The following PCSK6 variants were observed in gnomAD, a reference collection of about 807,000 sequenced individuals.
PCSK6 encodes paired basic amino acid cleaving enzyme 4.
A neutral mutation model predicts 123.3 loss-of-function variants in PCSK6; 85 were observed. That is an observed-to-expected ratio of 0.69 (90% confidence interval 0.58 to 0.83). The LOEUF (loss-of-function observed/expected upper bound fraction) is 0.83. Ranked by LOEUF, PCSK6 falls within the 40% of genes least tolerant of loss-of-function variation. The pLI is 0.00. For synonymous variants in PCSK6, 508 were observed against 516.0 expected (o/e 0.98, Z 0.21); for missense variants, 1,191 against 1,282.3 (o/e 0.93, Z 1.09).
intron 13 of PCSK6, among the ~76,000 whole-genome samples, chr15:101,343,028 T>G (rs1307759185): frequency 6.6e-6 from 1 of 152,266 alleles, no homozygotes; most frequent in Non-Finnish European, 1.5e-5. Context: ...TTGGCAGAAT[T>G]TGCTGGTAAA....
intron 1 of PCSK6, among the ~76,000 whole-genome samples, chr15:101,450,951 C>G (rs1007947559): frequency 6.6e-6 from 1 of 151,792 alleles, no homozygotes; most frequent in Non-Finnish European, 1.5e-5. Context: ...ATGGCACGCA[C>G]CAGCCATGAG....
chr15:101,337,194 G>C (rs1182557722), intron 13 of PCSK6: 1 of 152,166 alleles, frequency 6.6e-6, no homozygotes, highest in Non-Finnish European at 1.5e-5. Flanking sequence ...TAGTAGAGAT[G>C]GGGTTTCAGA....
chr15:101,483,819 C>T (rs2057951319), intron 1 of PCSK6, among the ~76,000 whole-genome samples: 1 of 152,260 alleles, frequency 6.6e-6, no homozygotes, highest in Non-Finnish European at 1.5e-5. Context: ...CATTCTGTTT[C>T]TCTGTCACCA....
At chr15:101,323,349 G>A (rs9806218) in intron 17 of PCSK6, among the ~76,000 whole-genome samples, 30,512 of 152,154 alleles carry the variant, frequency 0.2, 3,523 homozygotes, top group East Asian at 0.29. Context: ...AGGCGCCTCC[G>A]TCCTTTGCAA....
chr15:101,395,528 A>T (rs2412067), intron 7 of PCSK6, among the ~76,000 whole-genome samples: 7 of 152,100 alleles, frequency 4.6e-5, no homozygotes, highest in African/African-American at 1.7e-4. Flanking sequence ...GGAAGGAGAC[A>T]TGGAAATGAG....
intron 7 of PCSK6, among the ~76,000 whole-genome samples, chr15:101,393,712 A>G (rs1459959282): frequency 4.6e-5 from 7 of 152,206 alleles, no homozygotes; most frequent in Non-Finnish European, 1.0e-4. Flanking sequence ...AAGGGTCCCA[A>G]CACAAGCTGC....
At position 101,330,035 on chromosome 15, in the gene PCSK6, C is replaced by A. The variant is rs569609319; in HGVS notation, c.2077+1616G>T. ...CCCAGGGTCTGCTCTCAACTCAGCA[C>A]CCTGCGGAGTCCCTGGGGTGGCCTC... On this transcript the variant is annotated intron_variant, in intron 15 of 21. Transcript: ENST00000611716. Among the ~76,000 whole-genome samples, 127 of 152,362 alleles carry A rather than the reference C, an allele frequency of 8.3e-4. 4 individuals carry two copies. In the South Asian group the frequency reaches 0.025, roughly 30 times the overall value.
intron 1 of PCSK6, among the ~76,000 whole-genome samples, chr15:101,479,707 A>G (rs564077012): frequency 3.9e-5 from 6 of 152,288 alleles, no homozygotes; most frequent in Admixed American, 3.9e-4. Context: ...CTTCTACTAG[A>G]CAGGGAACAG....
At chr15:101,383,728 G>A (rs775469868) in intron 10 of PCSK6, among the ~76,000 whole-genome samples, 12 of 152,318 alleles carry the variant, frequency 7.9e-5, no homozygotes, top group East Asian at 1.9e-4. Context: ...CAGGGCTAAG[G>A]ATGCAAGCTG....
At chr15:101,444,345 C>T (rs571939306) in intron 1 of PCSK6, among the ~76,000 whole-genome samples, 19 of 152,274 alleles carry the variant, frequency 1.2e-4, no homozygotes, top group African/African-American at 3.4e-4. Context: ...CTTGTCCTCA[C>T]GTCTGTCCGG....
intron 9 of PCSK6, among the ~76,000 whole-genome samples, chr15:101,387,829 T>TCTCCA (rs2141530132): frequency 4.3e-5 from 2 of 46,658 alleles, no homozygotes; most frequent in Admixed American, 3.2e-4. Flanking sequence ...GCGAGAGCTA[T>TCTCCA]CCCAGGCTAC....
chr15:101,356,678 A>AAGATAAAT (rs2041053429), intron 13 of PCSK6, among the ~76,000 whole-genome samples: 1 of 142,888 alleles, frequency 7.0e-6, no homozygotes, highest in African/African-American at 2.6e-5. Context: ...AGACTGTCTC[A>AAGATAAAT]AAATAAATAA....
chr15:101,350,602 G>C (rs1443985248), intron 13 of PCSK6, among the ~76,000 whole-genome samples: 1 of 152,230 alleles, frequency 6.6e-6, no homozygotes, highest in Non-Finnish European at 1.5e-5. Context: ...ATGGCAATTA[G>C]ACCGGGGGGC....
intron 9 of PCSK6, among the ~76,000 whole-genome samples, chr15:101,388,198 C>T (rs960046726): frequency 6.6e-6 from 1 of 152,234 alleles, no homozygotes; most frequent in Non-Finnish European, 1.5e-5. Flanking sequence ...AAAAGAGCCT[C>T]AGGACACAGA....
intron 2 of PCSK6, among the ~76,000 whole-genome samples, chr15:101,443,325 T>C (rs1416812313): frequency 6.6e-6 from 1 of 152,254 alleles, no homozygotes; most frequent in African/African-American, 2.4e-5. Flanking sequence ...GATTCATATA[T>C]GTATCTCCTG....
In PCSK6 at chr15:101,420,190, C is replaced by CAAA. The variant is rs369741613; in HGVS notation, c.823+7699_823+7701dup. Among the ~76,000 whole-genome samples the CAAA allele has an allele frequency of 1.5e-3, 129 of 84,438 alleles. 6 individuals carry two copies. Among genetic ancestry groups the CAAA allele is most frequent in the East Asian group, 3.4e-3 (9 of 2,664 alleles). The allele number at this position is 84,438 out of a possible 152,430, so 55.4% of individuals were successfully genotyped here. A position where few individuals can be genotyped will look rare whatever the true frequency, so the allele number is the denominator to read the frequency against. On this transcript the variant is annotated intron_variant, in intron 6 of 21. Coordinates refer to ENST00000611716, the MANE Select transcript of PCSK6 (RefSeq NM_002570.5). ...TGGGTGACAGAGTGAGATTCTGTCT[C>CAAA]AAAAAAAAAAAAAAAAAGCTAAACA...
At chr15:101,462,358 G>T (rs989297749) in intron 1 of PCSK6, among the ~76,000 whole-genome samples, 1 of 152,198 alleles carries the variant, frequency 6.6e-6, no homozygotes, top group African/African-American at 2.4e-5. Flanking sequence ...ACATTAGATA[G>T]ATAGATGTAT....
intron 11 of PCSK6, among the ~76,000 whole-genome samples, chr15:101,378,998 G>A (rs1042195773): frequency 9.9e-5 from 15 of 152,198 alleles, no homozygotes; most frequent in Admixed American, 8.5e-4. Flanking sequence ...AGCATGACTC[G>A]GGCAGGCGGG....
intron 1 of PCSK6, among the ~76,000 whole-genome samples, chr15:101,445,183 G>A (rs1484287134): frequency 6.6e-6 from 1 of 152,208 alleles, no homozygotes; most frequent in African/African-American, 2.4e-5. Flanking sequence ...AGCAAATGCT[G>A]GTGGTCCTGG....
Sources: allele counts gnomAD v4.1 joint callset (sites outside exome capture counted in the v4.1 genomes callset), GRCh38; gene constraint gnomAD v4.1.1; transcripts MANE v1.5; gene names NCBI Gene and HGNC (gene_info 2026-07-23, HGNC 2026-07-21).